The following MON2 variants were observed in gnomAD, a reference collection of about 807,000 sequenced individuals.
MON2 encodes the protein protein MON2 homolog.
A neutral mutation model predicts 208.6 loss-of-function variants in MON2; 84 were observed. The observed-to-expected ratio is 0.40, with a 90% CI of 0.34 to 0.48. The LOEUF (loss-of-function observed/expected upper bound fraction) is 0.48. Ranked by LOEUF, MON2 falls within the 20% of genes least tolerant of loss-of-function variation. The pLI is 0.59. For missense variants in MON2, 1,611 were observed against 2,015.4 expected (o/e 0.80, Z 3.84); for synonymous variants, 660 against 694.0 (o/e 0.95, Z 0.77).
chr12:62,528,147 G>A (rs1192348366), intron 11 of MON2, among the ~76,000 whole-genome samples: 1 of 151,846 alleles, frequency 6.6e-6, no homozygotes, highest in Non-Finnish European at 1.5e-5. Flanking sequence ...GAAAATATTG[G>A]GTGTTCTTTT....
intron 8 of MON2, among the ~76,000 whole-genome samples, chr12:62,515,919 G>C (rs752379040): frequency 6.6e-6 from 1 of 152,000 alleles, no homozygotes; most frequent in Non-Finnish European, 1.5e-5. Flanking sequence ...ATATTGTATG[G>C]TTTTACCACA....
intron 21 of MON2, 49 bp downstream of exon 21, chr12:62,545,057 C>A: frequency 8.3e-7 from 1 of 1,209,702 alleles, no homozygotes; most frequent in Non-Finnish European, 1.2e-6. Flanking sequence ...TAAAATTATC[C>A]TCCTCCATAT....
chr12:62,537,805 A>G (rs2073048166), intron 16 of MON2, 99 bp downstream of exon 16: 1 of 900,866 alleles, frequency 1.1e-6, no homozygotes, highest in African/African-American at 1.7e-5. Flanking sequence ...GACAGGCCTA[A>G]AAAATAGATA....
At chr12:62,481,515 C>A (rs868422523) in intron 1 of MON2, among the ~76,000 whole-genome samples, 674 of 109,792 alleles carry the variant, frequency 6.1e-3, no homozygotes, top group South Asian at 8.5e-3. Flanking sequence ...GACTCCGTCT[C>A]AAAAAAAAAA....
At chr12:62,511,681 A>C (rs1341460626) in intron 8 of MON2, among the ~76,000 whole-genome samples, 1 of 152,248 alleles carries the variant, frequency 6.6e-6, no homozygotes, top group Non-Finnish European at 1.5e-5. Flanking sequence ...ATAGGGGAAA[A>C]TCTTTATGAC....
intron 1 of MON2, among the ~76,000 whole-genome samples, chr12:62,467,978 A>G (rs1319156759): frequency 6.6e-6 from 1 of 151,796 alleles, no homozygotes; most frequent in East Asian, 1.9e-4. Context: ...GCTGTAAAAT[A>G]GGGTTAAAGG....
In MON2 at chr12:62,552,891, C is replaced by A; in HGVS notation, c.2927C>A (p.Ser976Ter). The change falls in exon 24 of 35, where the codon TCA becomes TAA. Residue 976 changes from serine to a stop codon, truncating the protein, a stop_gained. Transcript: ENST00000393630. LOFTEE classifies it high-confidence loss of function. The stretch of plus-strand genomic sequence containing the variant: ...TACTTTGCTTTTTAGTGGAATATTT[C>A]AGATTATTTTTTCCAAAGAGGGGAA... Reference protein sequence around the residue: ...LTSIGLLWNISDYFFQRGETI... With the variant: ...LTSIGLLWNI The A allele has an allele frequency of 6.2e-7, 1 of 1,611,630 alleles. No homozygotes were observed. Among genetic ancestry groups the A allele is most frequent in the South Asian group, 1.1e-5 (1 of 90,872 alleles).
intron 11 of MON2, among the ~76,000 whole-genome samples, chr12:62,531,401 G>A (rs989197153): frequency 6.6e-6 from 1 of 152,068 alleles, no homozygotes; most frequent in East Asian, 1.9e-4. Context: ...TTTGCATATG[G>A]TGTGAGATAG....
chr12:62,590,914 C>G (rs962200471), intron 34 of MON2, among the ~76,000 whole-genome samples: 1 of 152,216 alleles, frequency 6.6e-6, no homozygotes, highest in African/African-American at 2.4e-5. Context: ...CTTGGCCTCC[C>G]AAAGTGCTGG....
chr12:62,578,522 A>G lies in MON2; in HGVS notation c.4575+17A>G. ...GATGTCGAGGTAAGGAGGCTATTTA[A>G]AATGTTTTCCTGTGACCATTTTTGA... On this transcript the variant is annotated intron_variant, in intron 31 of 34. Coordinates refer to ENST00000393630, the MANE Select transcript of MON2 (RefSeq NM_015026.3). The G allele has an allele frequency of 6.8e-7, 1 of 1,469,698 alleles. No individual in the cohort carries two copies. Among genetic ancestry groups the G allele is most frequent in the Non-Finnish European group, 9.3e-7 (1 of 1,075,642 alleles). 91.0% of individuals were successfully genotyped at this position (1,469,698 alleles called of 1,614,324 possible).
At chr12:62,504,074 G>T (rs2136094219) in intron 7 of MON2, among the ~76,000 whole-genome samples, 1 of 152,066 alleles carries the variant, frequency 6.6e-6, no homozygotes, top group South Asian at 2.1e-4. Flanking sequence ...GTACACTGTT[G>T]TATAGGTGTC....
intron 31 of MON2, among the ~76,000 whole-genome samples, chr12:62,579,990 A>C (rs2074943917): frequency 6.6e-6 from 1 of 152,186 alleles, no homozygotes; most frequent in South Asian, 2.1e-4. Context: ...AACATGGGTA[A>C]ATTTCATATG....
At chr12:62,541,616 G>T (rs1322104407) in intron 19 of MON2, among the ~76,000 whole-genome samples, 1 of 152,156 alleles carries the variant, frequency 6.6e-6, no homozygotes, top group East Asian at 1.9e-4. Flanking sequence ...ACCTGCCTGA[G>T]GTTATGTACT....
Position 62,535,617 on chromosome 12 carries a change from C to G in MON2, c.1808C>G (p.Ala603Gly). 1 of 1,613,382 alleles carries G rather than the reference C, an allele frequency of 6.2e-7. No individual in the cohort carries two copies. Among genetic ancestry groups the G allele is most frequent in the Middle Eastern group, 1.7e-4 (1 of 6,060 alleles). The change falls in exon 14 of 35, where the codon GCC becomes GGC. Residue 603 changes from alanine (A) to glycine (G), a missense_variant. Ala to Gly is a moderately conservative substitution (Grantham distance 60). Coordinates refer to ENST00000393630, the MANE Select transcript of MON2 (RefSeq NM_015026.3). The part of the protein sequence containing the change: ...GRLGLVTSRD[A>G]FITAICKGSL... ...CTGGGCCTTGTAACTTCAAGAGATGCCTTTATAACTGCAATATGCAAAGGT... is the reference window on the plus strand; with the variant it reads ...CTGGGCCTTGTAACTTCAAGAGATGGCTTTATAACTGCAATATGCAAAGGT...
chr12:62,479,697 T>C lies in MON2; in HGVS notation c.112-4473T>C, dbSNP rs550703573. On this transcript the variant is annotated intron_variant, in intron 1 of 34. Coordinates refer to ENST00000393630, the MANE Select transcript of MON2 (RefSeq NM_015026.3). Reference sequence around the variant, plus strand: ...TTTGGCATTCTTTCCAACTCATAGATTGTCCTCAGCAGTAGATAAGATTAC... The same window carrying C: ...TTTGGCATTCTTTCCAACTCATAGACTGTCCTCAGCAGTAGATAAGATTAC... Among the ~76,000 whole-genome samples, 3 of 152,316 alleles carry C rather than the reference T, an allele frequency of 2.0e-5. No homozygotes were observed. The South Asian group carries it at 6.2e-4, about 32-fold the overall frequency.
intron 19 of MON2, 59 bp downstream of exon 19, chr12:62,538,564 C>A: frequency 8.9e-7 from 1 of 1,129,474 alleles, no homozygotes; most frequent in Non-Finnish European, 1.3e-6. Flanking sequence ...AGATGTACAT[C>A]CATTATGATC....
intron 18 of MON2, 32 bp downstream of exon 18, chr12:62,538,357 A>G (rs562507014): frequency 1.3e-6 from 2 of 1,592,000 alleles, no homozygotes; most frequent in East Asian, 2.2e-5. Context: ...TGATAAAAAC[A>G]TTGTTATTTG....
intron 22 of MON2, among the ~76,000 whole-genome samples, chr12:62,549,456 CAA>C (rs5798647): frequency 0.013 from 1,284 of 98,514 alleles, 17 homozygotes; most frequent in African/African-American, 0.043. Context: ...CCTGTCTCCA[CAA>C]AAAAAAAAAA....
At chr12:62,566,239 C>T (rs2074382816) in intron 28 of MON2, 83 bp from the exon 29 acceptor site, 1 of 1,506,084 alleles carries the variant, frequency 6.6e-7, no homozygotes, top group Admixed American at 2.0e-5. Context: ...AACTTTAAGA[C>T]AAAGATGCTT....
Sources: allele counts gnomAD v4.1 joint callset (sites outside exome capture counted in the v4.1 genomes callset), GRCh38; gene constraint gnomAD v4.1.1; transcripts MANE v1.5; gene names NCBI Gene and HGNC (gene_info 2026-07-23, HGNC 2026-07-21).